The following INPP5F variants were observed in gnomAD, a reference collection of about 807,000 sequenced individuals.
INPP5F encodes phosphatidylinositide 4-phosphatase SAC2.
A neutral mutation model predicts 137.2 loss-of-function variants in INPP5F; 97 were observed. The ratio of observed to expected loss-of-function variants is 0.71; its 90% CI spans 0.60 to 0.84. The LOEUF (loss-of-function observed/expected upper bound fraction) is 0.84, where lower values mean the gene tolerates loss of function less well. INPP5F is among the 40% of genes least tolerant of loss of function. The probability of loss-of-function intolerance (pLI) is 0.00; values close to 1 mark genes in which losing one functional copy is unlikely to be tolerated. For synonymous variants in INPP5F, 504 were observed against 476.9 expected, an observed-to-expected ratio of 1.06 and a Z score of -0.74; for missense variants, 1,271 against 1,371.9, an observed-to-expected ratio of 0.93 and a Z score of 1.16.
rs1462213649 is a variant in INPP5F, at chr10:119,726,819, T to A, written c.97+460T>A. On this transcript the variant is annotated intron_variant, in intron 1 of 19. Transcript: ENST00000650623. Reference sequence around the variant, plus strand: ...GGCTCTGCTGGACACTCACTCCCTGTTGCCATCCCGTGTGTTCTTGGTCCC... The same window carrying A: ...GGCTCTGCTGGACACTCACTCCCTGATGCCATCCCGTGTGTTCTTGGTCCC... Among the ~76,000 whole-genome samples, 5 of 152,374 alleles carry A rather than the reference T, an allele frequency of 3.3e-5. No individual in the cohort carries two copies. In the East Asian group the frequency reaches 7.7e-4, roughly 23 times the overall value.
intron 3 of INPP5F, among the ~76,000 whole-genome samples, chr10:119,790,065 G>A: frequency 6.6e-6 from 1 of 151,616 alleles, no homozygotes; most frequent in South Asian, 2.1e-4. Context: ...TGGGGTGGGG[G>A]GCGAGTTGGG....
intron 3 of INPP5F, among the ~76,000 whole-genome samples, chr10:119,786,678 AT>A (rs34610067): frequency 0.048 from 7,045 of 146,602 alleles, 294 homozygotes; most frequent in South Asian, 0.26. Context: ...CCCCCTGCTA[AT>A]TTTTTTTTTT....
intron 14 of INPP5F, 92 bp downstream of exon 14, chr10:119,810,309 T>G (rs1850978300): frequency 1.5e-6 from 1 of 679,706 alleles, no homozygotes; most frequent in Non-Finnish European, 2.6e-6. Context: ...TAATTCATAT[T>G]TTGTAATATA....
chr10:119,754,593 A>AT (rs1426562327), intron 2 of INPP5F, among the ~76,000 whole-genome samples: 4 of 151,966 alleles, frequency 2.6e-5, no homozygotes, highest in South Asian at 4.2e-4. Context: ...ATCCTTGGAC[A>AT]TTTTTTTTCC....
At chr10:119,811,025 A>G (rs1169521162) in intron 14 of INPP5F, among the ~76,000 whole-genome samples, 1 of 152,198 alleles carries the variant, frequency 6.6e-6, no homozygotes, top group Non-Finnish European at 1.5e-5. Context: ...TGACTACAGA[A>G]TTGGATTTTA....
At chr10:119,770,202 T>C (rs1250179810) in intron 2 of INPP5F, among the ~76,000 whole-genome samples, 9 of 152,166 alleles carry the variant, frequency 5.9e-5, no homozygotes, top group African/African-American at 1.7e-4. Context: ...GGTTACAAAA[T>C]TGACTTTTTC....
chr10:119,750,884 T>C (rs1482344351), intron 1 of INPP5F, among the ~76,000 whole-genome samples, 192 bp from the exon 2 acceptor site: 5 of 152,220 alleles, frequency 3.3e-5, no homozygotes, highest in East Asian at 3.8e-4. Context: ...CGAAGCCTTA[T>C]TGTATCCCAA....
chr10:119,728,002 CTT>C (rs1394540932), intron 1 of INPP5F, among the ~76,000 whole-genome samples: 2 of 152,334 alleles, frequency 1.3e-5, no homozygotes, highest in East Asian at 3.9e-4. Context: ...TGACAACAAA[CTT>C]TTCTACACCC....
intron 3 of INPP5F, among the ~76,000 whole-genome samples, chr10:119,788,877 G>A (rs1589715957): frequency 6.6e-6 from 1 of 152,162 alleles, no homozygotes; most frequent in African/African-American, 2.4e-5. Flanking sequence ...TTGAAATAGC[G>A]GACCTTTGAT....
intron 16 of INPP5F, among the ~76,000 whole-genome samples, chr10:119,821,591 G>A (rs1196007104): frequency 6.6e-6 from 1 of 152,102 alleles, no homozygotes; most frequent in Non-Finnish European, 1.5e-5. Flanking sequence ...TTGCCCAGAT[G>A]CCTGTTGGCA....
intron 15 of INPP5F, chr10:119,819,520 C>G (rs765874752): frequency 6.2e-7 from 1 of 1,603,686 alleles, no homozygotes; most frequent in Non-Finnish European, 8.5e-7. Context: ...TTGGCTCAAG[C>G]AACAATTTTC....
intron 9 of INPP5F, among the ~76,000 whole-genome samples, chr10:119,801,097 G>C (rs1385951738): frequency 1.3e-5 from 2 of 152,080 alleles, no homozygotes; most frequent in African/African-American, 4.8e-5. Flanking sequence ...TTGCAGCATA[G>C]AAACAACCTA....
rs1186695089 is a variant in INPP5F, at chr10:119,827,267, A to G, written c.2886A>G (p.Arg962=). The change falls in exon 20 of 20, where the codon AGA becomes AGG. Residue 962 remains arginine (R), a synonymous_variant. Coordinates refer to ENST00000650623, the MANE Select transcript of INPP5F (RefSeq NM_014937.4). The part of the protein sequence containing the change: ...FAKPMDIYCH[R]FVQDAQNKVT... ...AGCCTATGGATATTTACTGCCACAG[A>G]TTTGTGCAAGATGCACAGAACAAAG... 6.2e-7 allele frequency: 1 copy of G among 1,614,144 alleles called. No homozygotes were observed. The highest frequency in any genetic ancestry group is 2.2e-5 in the East Asian group (1 of 44,882).
At chr10:119,785,535 C>CGAGAGA (rs59804262) in intron 3 of INPP5F, among the ~76,000 whole-genome samples, 13,775 of 93,442 alleles carry the variant, frequency 0.15, 1,652 homozygotes, top group East Asian at 0.17. Flanking sequence ...GTGATCCGCT[C>CGAGAGA]GAGAGAGAGA....
intron 1 of INPP5F, among the ~76,000 whole-genome samples, chr10:119,729,743 A>G (rs552319204): frequency 9.1e-4 from 132 of 144,532 alleles, no homozygotes; most frequent in African/African-American, 3.2e-3. Flanking sequence ...ACACCTGGCT[A>G]ATTTTTTTTT....
intron 1 of INPP5F, among the ~76,000 whole-genome samples, chr10:119,733,155 G>A (rs17099232): frequency 0.042 from 6,352 of 152,224 alleles, 239 homozygotes; most frequent in South Asian, 0.22. Context: ...TAGCCTATAT[G>A]GAGAATTAAA....
intron 2 of INPP5F, among the ~76,000 whole-genome samples, chr10:119,774,089 C>T (rs1175040849): frequency 6.6e-6 from 1 of 151,548 alleles, no homozygotes; most frequent in Non-Finnish European, 1.5e-5. Flanking sequence ...TGGTGAAACC[C>T]CGTCTCTACT....
intron 1 of INPP5F, among the ~76,000 whole-genome samples, chr10:119,737,157 A>G (rs1848238723): frequency 6.6e-6 from 1 of 152,206 alleles, no homozygotes; most frequent in Admixed American, 6.6e-5. Flanking sequence ...TCTAGGTGGT[A>G]TCTTTAATCT....
intron 2 of INPP5F, among the ~76,000 whole-genome samples, chr10:119,779,387 TTTTC>T (rs1033873317): frequency 2.0e-5 from 3 of 152,194 alleles, no homozygotes; most frequent in Non-Finnish European, 2.9e-5. Flanking sequence ...CTTTAAAATC[TTTTC>T]TTTCTTTTTT....
Sources: allele counts gnomAD v4.1 joint callset (sites outside exome capture counted in the v4.1 genomes callset), GRCh38; gene constraint gnomAD v4.1.1; transcripts MANE v1.5; gene names NCBI Gene and HGNC (gene_info 2026-07-23, HGNC 2026-07-21).